Variants in TPCN1 observed in about 807,000 individuals in gnomAD.
TPCN1 encodes two pore segment channel 1, also known as two pore channel protein 1.
TPCN1 carries 52 observed loss-of-function variants against 108.8 expected under a neutral mutation model. The observed-to-expected ratio is 0.48, with a 90% CI of 0.38 to 0.60. The LOEUF is 0.60. Among genes scored for constraint, TPCN1 ranks in the 20% least tolerant of loss-of-function variants. The probability of loss-of-function intolerance (pLI) is 0.00; values close to 1 mark genes in which losing one functional copy is unlikely to be tolerated. For synonymous variants in TPCN1, 446 were observed against 433.7 expected (o/e 1.03, Z -0.35); for missense variants, 806 against 1,072.8 (o/e 0.75, Z 3.47).
Position 113,269,888 on chromosome 12 carries a change from G to C in TPCN1, c.748+43G>C. 6.3e-7 allele frequency: 1 copy of C among 1,596,336 alleles called. No homozygotes were observed. The highest frequency in any genetic ancestry group is 8.6e-7 in the Non-Finnish European group (1 of 1,165,232). On this transcript the variant is annotated intron_variant, in intron 7 of 27. Transcript: ENST00000335509. The surrounding 1 kb of genome is among the most constrained non-coding windows in gnomAD (Gnocchi z 5.0). ...AGGCCCAGGTGCGCTGGAAAAGCAA[G>C]TTCACGGTGGATGAAAAATTATTTT...
chr12:113,294,545 T>A (rs1261464863), intron 27 of TPCN1, among the ~76,000 whole-genome samples: 2 of 151,496 alleles, frequency 1.3e-5, no homozygotes, highest in South Asian at 4.2e-4. Flanking sequence ...GAGAATTACT[T>A]GACTCCAGGA....
intron 2 of TPCN1, among the ~76,000 whole-genome samples, chr12:113,248,371 C>T (rs1215066180): frequency 1.3e-5 from 2 of 152,240 alleles, no homozygotes; most frequent in Admixed American, 1.3e-4. Flanking sequence ...GTGACCAAAA[C>T]AAAAGTCCCT....
chr12:113,264,641 T>C (rs547856178), intron 3 of TPCN1, among the ~76,000 whole-genome samples: 57 of 150,960 alleles, frequency 3.8e-4, no homozygotes, highest in African/African-American at 1.3e-3. Context: ...ATTGCACCAC[T>C]GCACTCCAGC....
chr12:113,254,662 T>C (rs1359015713), intron 2 of TPCN1, among the ~76,000 whole-genome samples: 1 of 152,252 alleles, frequency 6.6e-6, no homozygotes, highest in Non-Finnish European at 1.5e-5. Context: ...TGCGTTATAC[T>C]TACTGGTTGA....
chr12:113,226,676 C>A, intron 1 of TPCN1, 52 bp from the exon 2 acceptor site: 2 of 1,361,096 alleles, frequency 1.5e-6, no homozygotes, highest in African/African-American at 1.5e-5. Flanking sequence ...ATTCATCAGT[C>A]ATGGCTGTAT....
intron 12 of TPCN1, among the ~76,000 whole-genome samples, chr12:113,277,609 G>A (rs776897783): frequency 1.3e-5 from 2 of 152,200 alleles, no homozygotes; most frequent in African/African-American, 2.4e-5. Context: ...GAAGTGGACT[G>A]GCCCAGCTGC....
intron 2 of TPCN1, among the ~76,000 whole-genome samples, chr12:113,250,681 G>A (rs189818099): frequency 3.1e-3 from 472 of 152,360 alleles, no homozygotes; most frequent in Non-Finnish European, 5.2e-3. Context: ...CCGGCCAGGC[G>A]CAGTGGCTCA....
chr12:113,260,313 T>C, intron 2 of TPCN1, 55 bp from the exon 3 acceptor site: 1 of 1,452,984 alleles, frequency 6.9e-7, no homozygotes, highest in East Asian at 2.8e-5. Context: ...CCAAACGGTG[T>C]CTTTTTGCTC....
At chr12:113,233,660 G>T (rs1338767081) in intron 2 of TPCN1, among the ~76,000 whole-genome samples, 1 of 152,220 alleles carries the variant, frequency 6.6e-6, no homozygotes, top group Non-Finnish European at 1.5e-5. Flanking sequence ...ATGTGCCTGG[G>T]TCAGGGTATG....
chr12:113,239,467 A>C (rs552087998), intron 2 of TPCN1, among the ~76,000 whole-genome samples: 1 of 152,220 alleles, frequency 6.6e-6, no homozygotes. Context: ...TTGCAAAGGC[A>C]GGGATCATGT....
Position 113,266,075 on chromosome 12 carries a change from C to A in TPCN1, c.238-105C>A. ...CATCTTCTGTCTCTGGCCTGAATCT[C>A]TCCTCGCCTGCCTGGGGCCTTCCTT... On this transcript the variant is annotated intron_variant, in intron 3 of 27. Transcript: ENST00000335509. This position sits in a 1 kb window ranked among gnomAD's most constrained non-coding sequence, Gnocchi z 4.2. 7.9e-7 allele frequency: 1 copy of A among 1,266,642 alleles called. No homozygotes were observed. Among genetic ancestry groups the A allele is most frequent in the Non-Finnish European group, 1.1e-6 (1 of 896,480 alleles). 78.5% of individuals were successfully genotyped at this position (1,266,642 alleles called of 1,614,324 possible).
chr12:113,291,465 G>T, intron 23 of TPCN1, 144 bp from the exon 24 acceptor site: 1 of 711,032 alleles, frequency 1.4e-6, no homozygotes, highest in Non-Finnish European at 2.4e-6. Context: ...GCCCAGAGGG[G>T]CAAGCTTCCT....
At chr12:113,221,783 C>G (rs1953235058) in intron 1 of TPCN1, among the ~76,000 whole-genome samples, 157 bp downstream of exon 1, 1 of 152,154 alleles carries the variant, frequency 6.6e-6, no homozygotes, top group African/African-American at 2.4e-5. Flanking sequence ...CCGCGCTTCT[C>G]TCCGTCCAGC....
chr12:113,242,834 C>T (rs759596678), intron 2 of TPCN1, among the ~76,000 whole-genome samples: 34 of 152,222 alleles, frequency 2.2e-4, no homozygotes, highest in Admixed American at 8.5e-4. Context: ...CCCTGAGTTC[C>T]TCCCTGCCAC....
rs148443799 is a variant in TPCN1, at chr12:113,295,570, A to G, written c.2335-390A>G. ...AGGCAGGTGAGGTATTCAGCACAAT[A>G]CAGCTCTAAGCCTCGGTGTCTCGGG... On this transcript the variant is annotated intron_variant, in intron 27 of 27. Coordinates refer to ENST00000335509, the MANE Select transcript of TPCN1 (RefSeq NM_017901.6). 3.3e-3 allele frequency among the ~76,000 whole-genome samples: 509 copies of G among 152,162 alleles called. 1 individual carries two copies. The highest frequency in any genetic ancestry group is 0.011 in the African/African-American group (451 of 41,496).
At position 113,232,318 on chromosome 12, in the gene TPCN1, C is replaced by G. The variant is rs1210367919; in HGVS notation, c.112+5354C>G. ...GGATCCCTGCCCCCTGGCAGGGGCCCCCATGTGGCACCCTGGTCCCCTTTT... is the reference window on the plus strand; with the variant it reads ...GGATCCCTGCCCCCTGGCAGGGGCCGCCATGTGGCACCCTGGTCCCCTTTT... On this transcript the variant is annotated intron_variant, in intron 2 of 27. Coordinates refer to ENST00000335509, the MANE Select transcript of TPCN1 (RefSeq NM_017901.6). This position sits in a 1 kb window ranked among gnomAD's most constrained non-coding sequence, Gnocchi z 5.6. Among the ~76,000 whole-genome samples the G allele has an allele frequency of 6.6e-6, 1 of 152,240 alleles. No homozygotes were observed. The highest frequency in any genetic ancestry group is 6.5e-5 in the Admixed American group (1 of 15,288).
At chr12:113,248,248 G>A (rs970386168) in intron 2 of TPCN1, among the ~76,000 whole-genome samples, 4 of 152,272 alleles carry the variant, frequency 2.6e-5, no homozygotes, top group African/African-American at 9.6e-5. Flanking sequence ...CCCCACGGGG[G>A]TGTGTGGAAT....
chr12:113,287,011 C>T lies in TPCN1; in HGVS notation c.1551C>T (p.Phe517=), dbSNP rs756074282. The T allele has an allele frequency of 4.0e-5, 65 of 1,613,634 alleles. No homozygotes were observed. Among genetic ancestry groups the T allele is most frequent in the East Asian group, 3.6e-4 (16 of 44,896 alleles). The change falls in exon 19 of 28, where the codon TTC becomes TTT. Residue 517 remains phenylalanine (F), a synonymous_variant. Coordinates refer to ENST00000335509, the MANE Select transcript of TPCN1 (RefSeq NM_017901.6). ...WNLFDFSVTV[F]AFLGLLALAL... is the part of the protein sequence containing the mutation. ...GGTTTGACTTCTCCGTGACAGTGTT[C>T]GCCTTCCTGGGACTGCTGGCGCTGG...
At chr12:113,234,749 A>G (rs1953821420) in intron 2 of TPCN1, among the ~76,000 whole-genome samples, 1 of 152,102 alleles carries the variant, frequency 6.6e-6, no homozygotes, top group Non-Finnish European at 1.5e-5. Flanking sequence ...GCCAGTGTGC[A>G]CTCTCTGAAG....
Sources: gnomAD v4.1 joint callset for allele counts (sites outside exome capture counted in the v4.1 genomes callset) on GRCh38, gnomAD v4.1.1 for gene constraint, Gnocchi (gnomAD v3.1) non-coding constraint, MANE v1.5 for transcripts, NCBI Gene and HGNC (gene_info 2026-07-23, HGNC 2026-07-21) for gene names.